The following RLN2 variants were observed in gnomAD, a reference collection of about 807,000 sequenced individuals.
RLN2 encodes the protein relaxin 2, also known as prorelaxin H2.
RLN2 carries 10 observed loss-of-function variants against 7.3 expected under a neutral mutation model. The ratio of observed to expected loss-of-function variants is 1.36; its 90% CI spans 0.84 to 2.31. RLN2 has a LOEUF of 2.31. RLN2 is among the 30% of genes most tolerant of loss of function. The probability of loss-of-function intolerance (pLI) is 0.00; values close to 1 mark genes in which losing one functional copy is unlikely to be tolerated. For missense variants in RLN2, 298 were observed against 217.6 expected, an observed-to-expected ratio of 1.37 and a Z score of -2.32; for synonymous variants, 103 against 82.3, an observed-to-expected ratio of 1.25 and a Z score of -1.36.
chr9:5,309,831 C>G, the RLN2 span, among the ~76,000 whole-genome samples: 2 of 151,726 alleles, frequency 1.3e-5, no homozygotes, highest in African/African-American at 4.8e-5. Context: ...ATGAGGTGTG[C>G]GCAGCTTCCC....
chr9:5,325,501 A>T, the RLN2 span, among the ~76,000 whole-genome samples: 1 of 152,068 alleles, frequency 6.6e-6, no homozygotes, highest in Non-Finnish European at 1.5e-5. Context: ...GAGAACTCGT[A>T]ATTAAGATTG....
chr9:5,300,229 T>G lies in RLN2; in HGVS notation c.427A>C (p.Ser143Arg). The change falls in exon 2 of 2, where the codon AGC (serine) becomes CGC (arginine). Residue 143 changes from serine (S) to arginine (R), a missense_variant. Transcript: ENST00000381627. Reference protein sequence around the residue: ...IRNRQSEAADSSPSELKYLGL... With the variant: ...IRNRQSEAADRSPSELKYLGL... ...AAGTATTTTAATTCTGAAGGACTGC[T>G]GTCTGCGGCTTCACTTTGTCTATTG... 1 of 1,614,040 alleles carries G rather than the reference T, an allele frequency of 6.2e-7. No homozygotes were observed. Among genetic ancestry groups the G allele is most frequent in the South Asian group, 1.1e-5 (1 of 91,074 alleles).
At chr9:5,335,804 G>A in the RLN2 span, among the ~76,000 whole-genome samples, 7,232 of 151,980 alleles carry the variant, frequency 0.048, 638 homozygotes, top group African/African-American at 0.16. Flanking sequence ...CCAAGGCTCT[G>A]CTTTACCCCA....
the RLN2 span, chr9:5,335,437 A>C: frequency 6.2e-7 from 1 of 1,613,774 alleles, no homozygotes; most frequent in Non-Finnish European, 8.5e-7. Context: ...CTTCAAAGCT[A>C]AGATTGGAAT....
At chr9:5,335,264 G>T in the RLN2 span, 510 of 1,588,046 alleles carry the variant, frequency 3.2e-4, 2 homozygotes, top group Non-Finnish European at 4.1e-4. Flanking sequence ...GCAATATTTA[G>T]CAAGAGACCT....
At chr9:5,308,384 C>A (rs1816290908), upstream of RLN2, among the ~76,000 whole-genome samples, 1 of 151,882 alleles carries the variant, frequency 6.6e-6, no homozygotes, top group Non-Finnish European at 1.5e-5. Context: ...TCACCCCTGG[C>A]CAGGTCTGGT....
chr9:5,323,619 A>C, the RLN2 span, among the ~76,000 whole-genome samples: 1 of 151,990 alleles, frequency 6.6e-6, no homozygotes, highest in Admixed American at 6.6e-5. Flanking sequence ...GCAACAAACT[A>C]TTACTTAGAA....
chr9:5,312,137 T>G, the RLN2 span, among the ~76,000 whole-genome samples: 11 of 152,012 alleles, frequency 7.2e-5, no homozygotes, highest in Non-Finnish European at 1.5e-4. Context: ...CCCTTCTAGT[T>G]TTGAGAGACT....
At chr9:5,324,599 C>T in the RLN2 span, among the ~76,000 whole-genome samples, 4 of 151,944 alleles carry the variant, frequency 2.6e-5, no homozygotes, top group Admixed American at 2.0e-4. Flanking sequence ...ACCTACCAAA[C>T]AGATTCAAAG....
At chr9:5,306,109 G>T (rs13301432), upstream of RLN2, among the ~76,000 whole-genome samples, 32,934 of 131,000 alleles carry the variant, frequency 0.25, 4,502 homozygotes, top group African/African-American at 0.41. Flanking sequence ...TTTGTTTTTT[G>T]TTTTTTTTTT....
chr9:5,322,894 T>C, the RLN2 span, among the ~76,000 whole-genome samples: 6 of 151,910 alleles, frequency 3.9e-5, no homozygotes, highest in Non-Finnish European at 8.8e-5. Flanking sequence ...TATGCCACTT[T>C]GATGTATTAT....
At chr9:5,311,661 G>C in the RLN2 span, 1 of 1,343,260 alleles carries the variant, frequency 7.4e-7, no homozygotes, top group Non-Finnish European at 1.1e-6. Context: ...GCAGAAAATG[G>C]AGACGCCAAA....
chr9:5,305,972 C>T (rs929903800), upstream of RLN2, among the ~76,000 whole-genome samples: 1 of 151,840 alleles, frequency 6.6e-6, no homozygotes, highest in African/African-American at 2.4e-5. Flanking sequence ...TTGAGAGAGG[C>T]CTCTCAAAAC....
chr9:5,332,620 CT>C, the RLN2 span, among the ~76,000 whole-genome samples: 2,492 of 138,170 alleles, frequency 0.018, 33 homozygotes, highest in African/African-American at 0.035. Flanking sequence ...ACTGAATGTG[CT>C]TTTTTTTTTT....
Position 5,300,311 on chromosome 9 carries a change from A to G in RLN2, c.345T>C (p.His115=), listed in dbSNP as rs1453665332. The G allele has an allele frequency of 3.1e-6, 5 of 1,613,932 alleles. No homozygotes were observed. Among genetic ancestry groups the G allele is most frequent in the African/African-American group, 2.7e-5 (2 of 74,936 alleles). Residue 115 remains histidine (H), a synonymous_variant, in exon 2 of 2, where the codon CAT becomes CAC. Transcript: ENST00000381627. The part of the protein sequence containing the change: ...MQPALPQLQQ[H]VPVLKDSSLL... ...GACTGGAATCTTTTAATACAGGTACATGTTGTTGTAGCTGTGGTAATGCTG... is the reference window on the plus strand; with the variant it reads ...GACTGGAATCTTTTAATACAGGTACGTGTTGTTGTAGCTGTGGTAATGCTG...
At chr9:5,337,517 T>G in the RLN2 span, among the ~76,000 whole-genome samples, 21 of 152,110 alleles carry the variant, frequency 1.4e-4, no homozygotes, top group African/African-American at 5.1e-4. Flanking sequence ...GGATCTTATT[T>G]TTAAAAGGGA....
At chr9:5,335,226 C>T in the RLN2 span, 1 of 1,428,402 alleles carries the variant, frequency 7.0e-7, no homozygotes, top group African/African-American at 1.4e-5. Flanking sequence ...GAAAATTAGA[C>T]AAGATGTGCA....
upstream of RLN2, among the ~76,000 whole-genome samples, chr9:5,305,813 T>C (rs2130995162): frequency 6.6e-6 from 1 of 152,162 alleles, no homozygotes; most frequent in African/African-American, 2.4e-5. Flanking sequence ...ATAATTCTAA[T>C]TTCTAGATTG....
At chr9:5,307,689 C>T (rs370319272), upstream of RLN2, among the ~76,000 whole-genome samples, 5 of 151,998 alleles carry the variant, frequency 3.3e-5, no homozygotes, top group Non-Finnish European at 4.4e-5. Context: ...GCATTGCCCT[C>T]GTCCTTCTGT....
Sources: allele counts gnomAD v4.1 joint callset (sites outside exome capture counted in the v4.1 genomes callset), GRCh38; gene constraint gnomAD v4.1.1; transcripts MANE v1.5; gene names NCBI Gene and HGNC (gene_info 2026-07-23, HGNC 2026-07-21).